The following ITPR1 variants were observed in gnomAD, a reference collection of about 807,000 sequenced individuals.
ITPR1 encodes the protein inositol 1,4,5-trisphosphate receptor type 1, also known as inositol 1,4,5-trisphosphate-gated calcium channel ITPR1.
ITPR1 carries 96 observed loss-of-function variants against 318.4 expected under a neutral mutation model. The ratio of observed to expected loss-of-function variants is 0.30; its 90% CI spans 0.26 to 0.36. The LOEUF is 0.36. ITPR1 is among the 10% of genes least tolerant of loss of function. The pLI is 1.00. For missense variants in ITPR1, 2,440 were observed against 3,460.2 expected (o/e 0.71, Z 7.40); for synonymous variants, 1,312 against 1,289.9 (o/e 1.02, Z -0.37).
Position 4,804,636 on chromosome 3 carries a change from G to A in ITPR1, c.7108-1467G>A, listed in dbSNP as rs185167896. Among the ~76,000 whole-genome samples the A allele has an allele frequency of 1.4e-4, 22 of 152,298 alleles. No homozygotes were observed. The East Asian group carries it at 3.9e-3, about 27-fold the overall frequency. On this transcript the variant is annotated intron_variant, in intron 54 of 61. Coordinates refer to ENST00000649015, the MANE Select transcript of ITPR1 (RefSeq NM_001378452.1). ...TGGGGTGTGTTTGAGGTGCTGTAAT[G>A]TGTGATGTCACCCAGGGCACCATCT...
At chr3:4,585,477 C>T (rs2089797547) in intron 4 of ITPR1, among the ~76,000 whole-genome samples, 1 of 152,084 alleles carries the variant, frequency 6.6e-6, no homozygotes, top group South Asian at 2.1e-4. Context: ...CACTCTGTCA[C>T]CCAGGCTGGA....
At chr3:4,523,599 G>A (rs920024081) in intron 4 of ITPR1, among the ~76,000 whole-genome samples, 3 of 152,036 alleles carry the variant, frequency 2.0e-5, no homozygotes, top group African/African-American at 7.3e-5. Flanking sequence ...CCAGCCCCTG[G>A]TGACCACTGT....
intron 4 of ITPR1, among the ~76,000 whole-genome samples, chr3:4,527,586 G>A (rs1219759451): frequency 6.6e-6 from 1 of 152,222 alleles, no homozygotes; most frequent in Non-Finnish European, 1.5e-5. Context: ...GCCTGGGGCA[G>A]TATAACCCAG....
At chr3:4,845,972 A>T (rs1194467613) in intron 61 of ITPR1, among the ~76,000 whole-genome samples, 167 bp from the exon 62 acceptor site, 1 of 152,244 alleles carries the variant, frequency 6.6e-6, no homozygotes, top group East Asian at 1.9e-4. Context: ...CTGCCTAAGA[A>T]GATGCCTTTT....
intron 10 of ITPR1, among the ~76,000 whole-genome samples, chr3:4,647,739 T>G (rs2093492964): frequency 6.6e-6 from 1 of 152,226 alleles, no homozygotes; most frequent in Admixed American, 6.5e-5. Context: ...TTAACGATGT[T>G]GAGCATTTTT....
chr3:4,630,416 GA>G, intron 5 of ITPR1, among the ~76,000 whole-genome samples: 1 of 152,068 alleles, frequency 6.6e-6, no homozygotes, highest in South Asian at 2.1e-4. Flanking sequence ...GTAAAATCCT[GA>G]AAATCACAGT....
intron 5 of ITPR1, among the ~76,000 whole-genome samples, chr3:4,629,228 T>C (rs2125131477): frequency 6.6e-6 from 1 of 152,292 alleles, no homozygotes; most frequent in East Asian, 1.9e-4. Flanking sequence ...ATTTTATTTT[T>C]TGAGCACCTC....
intron 47 of ITPR1, among the ~76,000 whole-genome samples, chr3:4,775,855 T>G (rs2046451695): frequency 6.6e-6 from 1 of 152,178 alleles, no homozygotes; most frequent in Non-Finnish European, 1.5e-5. Context: ...TTACTACACG[T>G]GAGACAGCTT....
chr3:4,688,630 G>C lies in ITPR1; in HGVS notation c.3828+10G>C. 3 of 1,611,030 alleles carry C rather than the reference G, an allele frequency of 1.9e-6. No homozygotes were observed. The highest frequency in any genetic ancestry group is 4.5e-5 in the East Asian group (2 of 44,830). ...GTTTCTCAACCCAGGGGTAAGACTTGAGGCCAATCTGCAAATCTATAGAGG... is the reference window on the plus strand; with the variant it reads ...GTTTCTCAACCCAGGGGTAAGACTTCAGGCCAATCTGCAAATCTATAGAGG... On this transcript the variant is annotated intron_variant, in intron 31 of 61. Transcript: ENST00000649015.
chr3:4,805,675 C>A (rs2048509020), intron 54 of ITPR1, among the ~76,000 whole-genome samples: 2 of 152,306 alleles, frequency 1.3e-5, no homozygotes, highest in Middle Eastern at 6.8e-3. Flanking sequence ...TGCCACCTTA[C>A]AGTGCCTAGA....
In ITPR1 at chr3:4,721,212, C is replaced by G. The variant is rs115041656; in HGVS notation, c.5136+3813C>G. ...TATATATATATATATATGCATATCA[C>G]TGAGATTATTCCGTAATGACTGAAG... On this transcript the variant is annotated intron_variant, in intron 40 of 61. Coordinates refer to ENST00000649015, the MANE Select transcript of ITPR1 (RefSeq NM_001378452.1). Among the ~76,000 whole-genome samples the G allele has an allele frequency of 3.2e-3, 347 of 108,838 alleles. 4 individuals carry two copies. Among genetic ancestry groups the G allele is most frequent in the Non-Finnish European group, 4.8e-3 (259 of 54,364 alleles). The allele number at this position is 108,838 out of a possible 152,430, so 71.4% of individuals were successfully genotyped here. A position where few individuals can be genotyped will look rare whatever the true frequency, so the allele number is the denominator to read the frequency against.
chr3:4,567,805 T>A (rs552963486), intron 4 of ITPR1, among the ~76,000 whole-genome samples: 3 of 152,224 alleles, frequency 2.0e-5, no homozygotes, highest in African/African-American at 7.2e-5. Flanking sequence ...GATTTCACCA[T>A]GTTGTCCAGG....
Position 4,644,019 on chromosome 3 carries a change from T to C in ITPR1, c.526-117T>C. On this transcript the variant is annotated intron_variant, in intron 7 of 61. Coordinates refer to ENST00000649015, the MANE Select transcript of ITPR1 (RefSeq NM_001378452.1). ...GTGTGTGCTACATCTTTATACTTGC[T>C]GGGGATAGGCCTTGCCTTCTTCAGC... is the stretch of plus-strand genomic sequence containing the variant. The C allele has an allele frequency of 8.8e-6, 6 of 683,948 alleles. No homozygotes were observed. In the South Asian group the frequency reaches 9.2e-5, roughly 11 times the overall value. 42.4% of individuals were successfully genotyped at this position (683,948 alleles called of 1,614,324 possible). A position where few individuals can be genotyped will look rare whatever the true frequency, so the allele number is the denominator to read the frequency against.
chr3:4,785,849 A>G (rs1018109), intron 51 of ITPR1, among the ~76,000 whole-genome samples: 95,686 of 152,080 alleles, frequency 0.63, 30,508 homozygotes, highest in East Asian at 0.89. Flanking sequence ...GAAGAGTTAC[A>G]AATAGATCTT....
chr3:4,818,631 T>TG (rs1243220070), intron 60 of ITPR1, among the ~76,000 whole-genome samples: 1 of 152,136 alleles, frequency 6.6e-6, no homozygotes. Flanking sequence ...CTCTAAGAGG[T>TG]GTCTTAGAGG....
intron 25 of ITPR1, 27 bp downstream of exon 25, chr3:4,680,718 C>T: frequency 6.3e-7 from 1 of 1,587,018 alleles, no homozygotes; most frequent in African/African-American, 1.3e-5. Flanking sequence ...GGAATTTCAG[C>T]CATAGAATGG....
At position 4,499,381 on chromosome 3, in the gene ITPR1, C is replaced by T. The variant is rs115289960; in HGVS notation, c.-17+4875C>T. Among the ~76,000 whole-genome samples, 614 of 152,234 alleles carry T rather than the reference C, an allele frequency of 4.0e-3. 7 individuals are homozygous for T. Among genetic ancestry groups the T allele is most frequent in the African/African-American group, 0.013 (531 of 41,532 alleles). On this transcript the variant is annotated intron_variant, in intron 2 of 61. Transcript: ENST00000649015. ...TAAATTACCTTTTGTACATCTTGAA[C>T]ATCTTTTTAATAAACAGACATCTGT...
At chr3:4,651,735 C>T (rs1244174930) in intron 10 of ITPR1, among the ~76,000 whole-genome samples, 1 of 152,200 alleles carries the variant, frequency 6.6e-6, no homozygotes, top group African/African-American at 2.4e-5. Context: ...GAGCACAGGC[C>T]TGCGTGTGTG....
intron 4 of ITPR1, among the ~76,000 whole-genome samples, chr3:4,521,633 A>G (rs1020458311): frequency 2.6e-5 from 4 of 152,168 alleles, no homozygotes; most frequent in Non-Finnish European, 5.9e-5. Flanking sequence ...GGAGATTGCT[A>G]GAGCCTGGGA....
Sources: allele counts gnomAD v4.1 joint callset (sites outside exome capture counted in the v4.1 genomes callset), GRCh38; gene constraint gnomAD v4.1.1; transcripts MANE v1.5; gene names NCBI Gene and HGNC (gene_info 2026-07-23, HGNC 2026-07-21).